The following OPCML variants were observed in gnomAD, a reference collection of about 807,000 sequenced individuals.
OPCML encodes the protein opioid-binding protein/cell adhesion molecule.
A neutral mutation model predicts 37.8 loss-of-function variants in OPCML; 13 were observed. The ratio of observed to expected loss-of-function variants is 0.34; its 90% CI spans 0.22 to 0.55. The LOEUF (loss-of-function observed/expected upper bound fraction) is 0.55, where lower values mean the gene tolerates loss of function less well. OPCML is among the 20% of genes least tolerant of loss of function. The probability of loss-of-function intolerance (pLI) is 0.91; values close to 1 mark genes in which losing one functional copy is unlikely to be tolerated. For missense variants in OPCML, 341 were observed against 435.6 expected (o/e 0.78, Z 1.93); for synonymous variants, 176 against 168.8 (o/e 1.04, Z -0.33).
chr11:133,180,047 T>G (rs1456825311), intron 1 of OPCML, among the ~76,000 whole-genome samples: 1 of 152,080 alleles, frequency 6.6e-6, no homozygotes, highest in Non-Finnish European at 1.5e-5. Context: ...TGACCCTGCT[T>G]AAGAAAGACA....
chr11:133,199,718 G>A (rs575034990), intron 1 of OPCML, among the ~76,000 whole-genome samples: 212 of 152,226 alleles, frequency 1.4e-3, no homozygotes, highest in African/African-American at 5.0e-3. Flanking sequence ...TTCCCCTAAA[G>A]GCCTCTAATC....
chr11:132,985,276 G>A (rs1390534081), intron 1 of OPCML, among the ~76,000 whole-genome samples: 3 of 152,134 alleles, frequency 2.0e-5, no homozygotes, highest in African/African-American at 7.2e-5. Context: ...TCAAGGTCTG[G>A]GGTGGCCAAG....
chr11:133,326,745 G>T, intron 1 of OPCML, among the ~76,000 whole-genome samples: 1 of 139,844 alleles, frequency 7.2e-6, no homozygotes, highest in South Asian at 2.4e-4. Context: ...AAGTGGGGGA[G>T]GTGTAGGTGA....
chr11:132,484,226 A>G (rs918151554), intron 4 of OPCML, among the ~76,000 whole-genome samples: 1 of 152,222 alleles, frequency 6.6e-6, no homozygotes, highest in Admixed American at 6.5e-5. Flanking sequence ...TACAAGAAAA[A>G]AACACACAAC....
At chr11:133,176,352 TC>T (rs1463859211) in intron 1 of OPCML, among the ~76,000 whole-genome samples, 2 of 151,066 alleles carry the variant, frequency 1.3e-5, no homozygotes, top group African/African-American at 2.4e-5. Flanking sequence ...TTTTTTTTTT[TC>T]ATTTGTGGCA....
intron 1 of OPCML, among the ~76,000 whole-genome samples, chr11:133,314,568 A>G (rs879297613): frequency 2.7e-4 from 41 of 151,846 alleles, no homozygotes; most frequent in Non-Finnish European, 4.3e-4. Context: ...AAAAAAAAAA[A>G]AAAGAAAGAA....
intron 1 of OPCML, among the ~76,000 whole-genome samples, chr11:133,293,134 T>C (rs1942526438): frequency 6.6e-6 from 1 of 152,132 alleles, no homozygotes; most frequent in Non-Finnish European, 1.5e-5. Flanking sequence ...TGATTGTTTT[T>C]AGATCTGGGT....
intron 1 of OPCML, among the ~76,000 whole-genome samples, chr11:133,157,527 T>C (rs1024896571): frequency 1.3e-5 from 2 of 152,228 alleles, no homozygotes; most frequent in African/African-American, 4.8e-5. Flanking sequence ...CCAGCAAGCT[T>C]AGCTGAGGAG....
intron 4 of OPCML, among the ~76,000 whole-genome samples, chr11:132,459,070 G>A (rs1259875665): frequency 6.6e-6 from 1 of 152,118 alleles, no homozygotes; most frequent in Non-Finnish European, 1.5e-5. Context: ...TCCCAATGTG[G>A]GCAGGCATCA....
At chr11:132,950,111 G>A (rs1165003118) in intron 1 of OPCML, among the ~76,000 whole-genome samples, 3 of 152,194 alleles carry the variant, frequency 2.0e-5, no homozygotes, top group Non-Finnish European at 2.9e-5. Flanking sequence ...CACAGTAACT[G>A]TTTTGGAATT....
At chr11:132,896,090 G>A (rs73589392) in intron 2 of OPCML, among the ~76,000 whole-genome samples, 2,382 of 152,246 alleles carry the variant, frequency 0.016, 65 homozygotes, top group African/African-American at 0.044. Context: ...CAGGGAGTGA[G>A]TTTGTTTGAT....
At chr11:132,990,753 T>C (rs1376591594) in intron 1 of OPCML, among the ~76,000 whole-genome samples, 1 of 152,222 alleles carries the variant, frequency 6.6e-6, no homozygotes, top group Non-Finnish European at 1.5e-5. Flanking sequence ...ATTTTAGTTG[T>C]GTGACCTAGA....
chr11:133,451,243 GA>G (rs1946575001), intron 1 of OPCML, among the ~76,000 whole-genome samples: 1 of 151,698 alleles, frequency 6.6e-6, no homozygotes, highest in African/African-American at 2.4e-5. Flanking sequence ...AAAATTAAAG[GA>G]GAGAAAAACC....
chr11:132,681,032 G>T (rs1942919141), intron 2 of OPCML, among the ~76,000 whole-genome samples: 1 of 152,220 alleles, frequency 6.6e-6, no homozygotes, highest in Admixed American at 6.5e-5. Flanking sequence ...TGGCTGGCAG[G>T]CGGGGGTTGC....
At chr11:132,832,286 G>A (rs1021078869) in intron 2 of OPCML, among the ~76,000 whole-genome samples, 1 of 144,526 alleles carries the variant, frequency 6.9e-6, no homozygotes, top group East Asian at 2.0e-4. Context: ...CTTACAGAAC[G>A]AACAGTCCAA....
intron 3 of OPCML, among the ~76,000 whole-genome samples, chr11:132,651,121 C>A (rs1303936305): frequency 6.6e-6 from 1 of 151,860 alleles, no homozygotes; most frequent in Non-Finnish European, 1.5e-5. Context: ...TCAGGGCCCA[C>A]CCTTTTCTGG....
chr11:132,910,537 G>A (rs920563567), intron 2 of OPCML, among the ~76,000 whole-genome samples: 3 of 152,206 alleles, frequency 2.0e-5, no homozygotes, highest in Non-Finnish European at 4.4e-5. Context: ...GGTGCGGTGG[G>A]GATGATGTCA....
intron 1 of OPCML, among the ~76,000 whole-genome samples, chr11:133,441,369 C>T (rs961716638): frequency 6.6e-6 from 1 of 151,732 alleles, no homozygotes; most frequent in African/African-American, 2.4e-5. Context: ...TACATGGAAC[C>T]GAATTTGAGA....
intron 1 of OPCML, among the ~76,000 whole-genome samples, chr11:133,014,492 A>C (rs1947282045): frequency 6.6e-6 from 1 of 152,172 alleles, no homozygotes; most frequent in Non-Finnish European, 1.5e-5. Flanking sequence ...CCATGAAGGA[A>C]GGGCAGGGCA....
Sources: allele counts gnomAD v4.1 joint callset (sites outside exome capture counted in the v4.1 genomes callset), GRCh38; gene constraint gnomAD v4.1.1; transcripts MANE v1.5; gene names NCBI Gene and HGNC (gene_info 2026-07-23, HGNC 2026-07-21).